IL1RN: variants seen among roughly 807,000 people sequenced by gnomAD.
The protein encoded by IL1RN is interleukin-1 receptor antagonist protein.
In IL1RN, 10 loss-of-function variants were observed where a neutral mutation model predicts 13.7. The ratio of observed to expected loss-of-function variants is 0.73; its 90% CI spans 0.45 to 1.24. The LOEUF (loss-of-function observed/expected upper bound fraction) is 1.24, where lower values mean the gene tolerates loss of function less well. Among genes scored for constraint, IL1RN ranks in the 50% most tolerant of loss-of-function variants. The pLI, the probability that IL1RN is intolerant of heterozygous loss-of-function variation, is 0.00. For synonymous variants in IL1RN, 102 were observed against 82.7 expected (o/e 1.23, Z -1.27); for missense variants, 213 against 222.1 (o/e 0.96, Z 0.26).
intron 2 of IL1RN, chr2:113,121,649 G>A: frequency 2.1e-6 from 2 of 947,516 alleles, no homozygotes; most frequent in Non-Finnish European, 1.3e-6. Flanking sequence ...TGAGAGGAGA[G>A]TAGCTTCTTG....
the IL1RN span, among the ~76,000 whole-genome samples, chr2:113,100,274 C>T: frequency 4.7e-5 from 7 of 149,116 alleles, no homozygotes; most frequent in African/African-American, 1.2e-4. Flanking sequence ...TGCAGTGAGC[C>T]GAGATCGCAC....
At chr2:113,107,969 G>A (rs1686412885), upstream of IL1RN, among the ~76,000 whole-genome samples, 1 of 152,150 alleles carries the variant, frequency 6.6e-6, no homozygotes, top group African/African-American at 2.4e-5. Context: ...TGGTATATTA[G>A]TTTCTTATTA....
chr2:113,123,817 A>G (rs975969658), upstream of IL1RN, among the ~76,000 whole-genome samples: 13 of 152,246 alleles, frequency 8.5e-5, no homozygotes, highest in African/African-American at 3.1e-4. Flanking sequence ...TTAAAACATA[A>G]GATTGGAATT....
chr2:113,103,385 C>A (rs1686343042), upstream of IL1RN, among the ~76,000 whole-genome samples: 1 of 152,186 alleles, frequency 6.6e-6, no homozygotes, highest in African/African-American at 2.4e-5. Flanking sequence ...CTGGAGTATC[C>A]AGTTGTGTCC....
At chr2:113,110,378 T>C (rs1163642345), upstream of IL1RN, among the ~76,000 whole-genome samples, 1 of 152,216 alleles carries the variant, frequency 6.6e-6, no homozygotes, top group African/African-American at 2.4e-5. Context: ...TTCCAAGCTA[T>C]CCTAGTTTTG....
chr2:113,131,331 G>A (rs551573323), intron 3 of IL1RN, among the ~76,000 whole-genome samples, 174 bp downstream of exon 3: 4 of 152,204 alleles, frequency 2.6e-5, no homozygotes, highest in African/African-American at 4.8e-5. Flanking sequence ...CCTGGCTTGC[G>A]CTGGGCATCC....
the IL1RN span, among the ~76,000 whole-genome samples, chr2:113,100,756 G>A: frequency 6.6e-6 from 1 of 152,140 alleles, no homozygotes; most frequent in African/African-American, 2.4e-5. Flanking sequence ...AGCACAGGGT[G>A]GCTAAAAAGC....
At chr2:113,121,353 A>T (rs1281496320) in intron 2 of IL1RN, 1 of 585,110 alleles carries the variant, frequency 1.7e-6, no homozygotes, top group Non-Finnish European at 2.2e-6. Flanking sequence ...GATCTGTGTG[A>T]AAGTGTAACA....
At chr2:113,099,796 G>C in the IL1RN span, among the ~76,000 whole-genome samples, 1 of 133,872 alleles carries the variant, frequency 7.5e-6, no homozygotes, top group East Asian at 2.1e-4. Flanking sequence ...GTGCAGTGGC[G>C]GGATCTCGGC....
chr2:113,123,560 C>A (rs1418804264), upstream of IL1RN, among the ~76,000 whole-genome samples: 1 of 152,166 alleles, frequency 6.6e-6, no homozygotes, highest in African/African-American at 2.4e-5. Flanking sequence ...AGGCTCCTGG[C>A]CTACCTGTGC....
chr2:113,114,877 A>T (rs1686564673), upstream of IL1RN, among the ~76,000 whole-genome samples: 1 of 152,092 alleles, frequency 6.6e-6, no homozygotes, highest in Non-Finnish European at 1.5e-5. Flanking sequence ...AAGGGTGAGG[A>T]TAAGTAACTA....
At chr2:113,099,804 G>T in the IL1RN span, among the ~76,000 whole-genome samples, 2 of 127,628 alleles carry the variant, frequency 1.6e-5, no homozygotes, top group Non-Finnish European at 3.2e-5. Flanking sequence ...GCGGGATCTC[G>T]GCTCACTGCA....
At chr2:113,116,016 C>A (rs910251804), upstream of IL1RN, among the ~76,000 whole-genome samples, 21 of 152,144 alleles carry the variant, frequency 1.4e-4, no homozygotes, top group African/African-American at 4.8e-4. Context: ...TAAATAATGC[C>A]AACCACATGC....
At chr2:113,116,496 CG>C (rs971858896), upstream of IL1RN, among the ~76,000 whole-genome samples, 1 of 149,920 alleles carries the variant, frequency 6.7e-6, no homozygotes, top group African/African-American at 2.5e-5. Context: ...CCAGGCGGGG[CG>C]GGGGGTGGGG....
exon 1 of IL1RN, chr2:113,117,906 C>T: frequency 2.5e-6 from 2 of 787,290 alleles, no homozygotes; most frequent in Non-Finnish European, 4.7e-6. Flanking sequence ...CAGCTCCACC[C>T]TGGGAGGGAC....
At chr2:113,126,858 A>G (rs1686979683), upstream of IL1RN, among the ~76,000 whole-genome samples, 1 of 152,242 alleles carries the variant, frequency 6.6e-6, no homozygotes, top group South Asian at 2.1e-4. Flanking sequence ...CCAAATGCTG[A>G]GTTTATGTCA....
At chr2:113,114,648 AGT>A (rs1221228123), upstream of IL1RN, among the ~76,000 whole-genome samples, 1 of 151,358 alleles carries the variant, frequency 6.6e-6, no homozygotes, top group Non-Finnish European at 1.5e-5. Flanking sequence ...TCCGTGTGTG[AGT>A]GTGTGTGTGT....
At chr2:113,100,707 A>T in the IL1RN span, among the ~76,000 whole-genome samples, 9 of 152,324 alleles carry the variant, frequency 5.9e-5, no homozygotes, top group South Asian at 1.9e-3. Flanking sequence ...TCTGACAGAA[A>T]GCCATGTTTG....
upstream of IL1RN, among the ~76,000 whole-genome samples, chr2:113,106,497 G>A (rs1686390250): frequency 6.6e-6 from 1 of 152,180 alleles, no homozygotes; most frequent in African/African-American, 2.4e-5. Context: ...TATAATAACT[G>A]CTTTAACCAA....
Sources: gnomAD v4.1 joint callset for allele counts (sites outside exome capture counted in the v4.1 genomes callset) on GRCh38, gnomAD v4.1.1 for gene constraint, MANE v1.5 for transcripts, NCBI Gene and HGNC (gene_info 2026-07-23, HGNC 2026-07-21) for gene names.